The following CYP3A5 variants were observed in gnomAD, a reference collection of about 807,000 sequenced individuals.
CYP3A5 encodes cytochrome P450 family 3 subfamily A member 5.
In CYP3A5, 51 loss-of-function variants were observed where a neutral mutation model predicts 55.9. The observed-to-expected ratio is 0.91, with a 90% CI of 0.73 to 1.15. The LOEUF is 1.15. Ranked by LOEUF, CYP3A5 falls within the 50% of genes most tolerant of loss-of-function variation. The pLI is 0.00. For missense variants in CYP3A5, 533 were observed against 596.6 expected (o/e 0.89, Z 1.11); for synonymous variants, 196 against 213.9 (o/e 0.92, Z 0.73).
chr7:99,659,883 G>A (rs879287263), intron 10 of CYP3A5: 6 of 149,908 alleles, frequency 4.0e-5, no homozygotes, highest in Non-Finnish European at 7.3e-5. Flanking sequence ...CCATGCGCGG[G>A]ATATAATCTC....
intron 8 of CYP3A5, chr7:99,663,565 A>G: frequency 1.0e-6 from 1 of 993,840 alleles, no homozygotes; most frequent in Non-Finnish European, 1.2e-6. Flanking sequence ...AGGACCTTTA[A>G]TTGCAGAATA....
chr7:99,660,211 CTCCTTTTTTTTTT>C lies in CYP3A5; in HGVS notation c.1026+275_1026+287del, dbSNP rs1259980799. 3.8e-6 allele frequency: 3 copies of C among 796,326 alleles called. No individual in the cohort carries two copies. The African/African-American group carries it at 6.7e-5, about 18-fold the overall frequency. 49.3% of individuals were successfully genotyped at this position (796,326 alleles called of 1,614,324 possible). A position where few individuals can be genotyped will look rare whatever the true frequency, so the allele number is the denominator to read the frequency against. ...CCTGTTTGGCCATCTTCTCGCCACA[CTCCTTTTTTTTTT>C]TTTTTTTTTTTTTTTTTTTTTACTT... is the stretch of plus-strand genomic sequence containing the variant. On this transcript the variant is annotated intron_variant, in intron 10 of 12. Transcript: ENST00000222982.
rs1437451135 is a variant in CYP3A5, at chr7:99,674,594, G to A, written c.166-9C>T. On this transcript the variant is annotated splice_polypyrimidine_tract_variant and intron_variant, in intron 2 of 12. Coordinates refer to ENST00000222982, the MANE Select transcript of CYP3A5 (RefSeq NM_000777.5). ...TCAAATTTCCAGAGACCCTGGGAGA[G>A]GAAACAAAATACAAGTTGATTATTA... The A allele has an allele frequency of 6.2e-7, 1 of 1,610,944 alleles. No homozygotes were observed. The highest frequency in any genetic ancestry group is 1.7e-5 in the Admixed American group (1 of 59,878).
In CYP3A5 at chr7:99,668,493, T is replaced by C. The variant is rs145503191; in HGVS notation, c.319-1428A>G. ...TTTTGAGTTTTTTTGCAATTTTTTT[T>C]GTAATTTTGTAATTTGACTATGTGA... On this transcript the variant is annotated intron_variant, in intron 4 of 12. Coordinates refer to ENST00000222982, the MANE Select transcript of CYP3A5 (RefSeq NM_000777.5). Among the ~76,000 whole-genome samples, 13 of 152,366 alleles carry C rather than the reference T, an allele frequency of 8.5e-5. No individual in the cohort carries two copies. In the East Asian group the frequency reaches 2.5e-3, roughly 29 times the overall value.
At chr7:99,671,520 A>G in intron 4 of CYP3A5, 1 of 313,548 alleles carries the variant, frequency 3.2e-6, no homozygotes, top group East Asian at 6.3e-5. Context: ...GTGTTGGAAC[A>G]TTTGGACAGC....
chr7:99,673,206 C>A (rs1159341691), intron 3 of CYP3A5, among the ~76,000 whole-genome samples: 1 of 152,128 alleles, frequency 6.6e-6, no homozygotes, highest in Non-Finnish European at 1.5e-5. Flanking sequence ...ATGGGCCATG[C>A]CAGCTCCACA....
At chr7:99,663,100 A>G in intron 8 of CYP3A5, 1 of 1,271,580 alleles carries the variant, frequency 7.9e-7, no homozygotes, top group South Asian at 1.9e-5. Flanking sequence ...TATCATGTCC[A>G]ATTGCTTTTT....
At chr7:99,668,510 A>G (rs1811258273) in intron 4 of CYP3A5, among the ~76,000 whole-genome samples, 1 of 152,170 alleles carries the variant, frequency 6.6e-6, no homozygotes, top group Non-Finnish European at 1.5e-5. Flanking sequence ...TTGTAATTTG[A>G]CTATGTGATT....
intron 12 of CYP3A5, among the ~76,000 whole-genome samples, chr7:99,648,978 C>T (rs1185806379): frequency 6.6e-6 from 1 of 152,174 alleles, no homozygotes; most frequent in Non-Finnish European, 1.5e-5. Flanking sequence ...CGGGGAATTT[C>T]TCAAGTTGTA....
rs887109985 is a variant in CYP3A5 at position 99,662,006 on chromosome 7, A to G, written c.865+810T>C. ...ATATGAAACAGTGAAATGATAGACT[A>G]TTTTCTTTATCACAGCAAGTTTTGT... On this transcript the variant is annotated intron_variant, in intron 9 of 12. Coordinates refer to ENST00000222982, the MANE Select transcript of CYP3A5 (RefSeq NM_000777.5). This position sits in a 1 kb window ranked among gnomAD's most constrained non-coding sequence, Gnocchi z 4.3. Among the ~76,000 whole-genome samples, 2 of 152,224 alleles carry G rather than the reference A, an allele frequency of 1.3e-5. No homozygotes were observed. Among genetic ancestry groups the G allele is most frequent in the East Asian group, 1.9e-4 (1 of 5,202 alleles).
At chr7:99,669,834 T>C (rs1420500913) in intron 4 of CYP3A5, among the ~76,000 whole-genome samples, 1 of 152,206 alleles carries the variant, frequency 6.6e-6, no homozygotes, top group Non-Finnish European at 1.5e-5. Context: ...TGTAAACATA[T>C]GTGATATAGC....
Position 99,648,324 on chromosome 7 carries a change from C to G in CYP3A5, c.1490G>C (p.Gly497Ala). ...PIVLKVDSRD[G>A]TLSGE Reference sequence around the variant, plus strand: ...AATAACTCATTCTCCACTTAGGGTTCCATCTCTTGAATCCACCTTTAGAAC... The same window carrying G: ...AATAACTCATTCTCCACTTAGGGTTGCATCTCTTGAATCCACCTTTAGAAC... The change falls in exon 13 of 13, where the codon GGA becomes GCA. Residue 497 changes from glycine (G) to alanine (A), a missense_variant. Physicochemically the swap from Gly to Ala is moderately conservative, Grantham distance 60. Coordinates refer to ENST00000222982, the MANE Select transcript of CYP3A5 (RefSeq NM_000777.5). 1.2e-6 allele frequency: 2 copies of G among 1,612,992 alleles called. No individual in the cohort carries two copies. Among genetic ancestry groups the G allele is most frequent in the Non-Finnish European group, 8.5e-7 (1 of 1,179,282 alleles).
In CYP3A5 at chr7:99,672,645, T is replaced by G; in HGVS notation, c.253A>C (p.Thr85Pro). 1 of 1,614,162 alleles carries G rather than the reference T, an allele frequency of 6.2e-7. No individual in the cohort carries two copies. The highest frequency in any genetic ancestry group is 8.5e-7 in the Non-Finnish European group (1 of 1,179,986). Residue 85 changes from threonine (T) to proline (P), a missense_variant, in exon 4 of 13, where the codon ACA (threonine) becomes CCA (proline). Thr to Pro is a conservative substitution (Grantham distance 38). Transcript: ENST00000222982. ...ACTGTTCTGATCACGTCGGGATCTG[T>G]GATGGCCAGCACAGGGAGTTGACCT... ...YEGQLPVLAI[T>P]DPDVIRTVLV...
intron 2 of CYP3A5, among the ~76,000 whole-genome samples, chr7:99,674,818 C>A (rs949403693): frequency 6.6e-6 from 1 of 152,196 alleles, no homozygotes; most frequent in Non-Finnish European, 1.5e-5. Context: ...GAAGGACTCA[C>A]CCTTGTCTAT....
At chr7:99,671,108 A>C (rs1250712976) in intron 4 of CYP3A5, 1 of 148,158 alleles carries the variant, frequency 6.7e-6, no homozygotes, top group Non-Finnish European at 1.5e-5. Context: ...AAAACTATAC[A>C]CAGACCATTT....
chr7:99,660,197 A>G, intron 10 of CYP3A5: 2 of 968,592 alleles, frequency 2.1e-6, no homozygotes, highest in South Asian at 8.8e-5. Context: ...CTGTTTGGCC[A>G]TCTTCTCGCC....
Position 99,666,641 on chromosome 7 carries a change from T to C in CYP3A5, c.481A>G (p.Arg161Gly), listed in dbSNP as rs200764640. 1 of 1,614,018 alleles carries C rather than the reference T, an allele frequency of 6.2e-7. No individual in the cohort carries two copies. The highest frequency in any genetic ancestry group is 1.1e-5 in the South Asian group (1 of 91,074). ...QYGDVLVRNL[R>G]REAEKGKPVT... Reference sequence around the variant, plus strand: ...GGCTTGCCTTTCTCTGCTTCCCGCCTCAAGTTTCTCACCAATACATCTCCA... The same window carrying C: ...GGCTTGCCTTTCTCTGCTTCCCGCCCCAAGTTTCTCACCAATACATCTCCA... The change falls in exon 6 of 13, where the codon AGG becomes GGG. Residue 161 changes from arginine to glycine, a missense_variant. Transcript: ENST00000222982.
intron 11 of CYP3A5, 75 bp downstream of exon 11, chr7:99,652,478 T>A (rs1809288950): frequency 1.4e-5 from 13 of 898,954 alleles, no homozygotes; most frequent in Non-Finnish European, 2.3e-5. Context: ...ACGATTGTCA[T>A]GTAGATTAAG....
At chr7:99,651,431 G>A (rs1218861911) in intron 11 of CYP3A5, among the ~76,000 whole-genome samples, 1 of 152,208 alleles carries the variant, frequency 6.6e-6, no homozygotes, top group Non-Finnish European at 1.5e-5. Context: ...AGTACAGCGA[G>A]TGGTCTCTGA....
Sources: allele counts gnomAD v4.1 joint callset (sites outside exome capture counted in the v4.1 genomes callset), GRCh38; gene constraint gnomAD v4.1.1; non-coding constraint Gnocchi (gnomAD v3.1); transcripts MANE v1.5; gene names NCBI Gene and HGNC (gene_info 2026-07-23, HGNC 2026-07-21).